The following EEIG2 variants were observed in gnomAD, a reference collection of about 807,000 sequenced individuals.
EEIG2 encodes family with sequence similarity 102 member B.
At chr1:108,581,537 A>T in the EEIG2 span, among the ~76,000 whole-genome samples, 1 of 150,100 alleles carries the variant, frequency 6.7e-6, no homozygotes. Flanking sequence ...TCAAAATACC[A>T]ACATTAACAG....
At chr1:108,620,573 T>C in the EEIG2 span, among the ~76,000 whole-genome samples, 1 of 152,216 alleles carries the variant, frequency 6.6e-6, no homozygotes, top group Non-Finnish European at 1.5e-5. Context: ...AGGGGTGATA[T>C]AAGTCTCTTG....
At chr1:108,594,211 A>C in the EEIG2 span, among the ~76,000 whole-genome samples, 3 of 152,194 alleles carry the variant, frequency 2.0e-5, no homozygotes, top group Non-Finnish European at 4.4e-5. Context: ...GGTGGACATC[A>C]ACATTTTAAG....
chr1:108,613,587 C>G, the EEIG2 span, among the ~76,000 whole-genome samples: 9 of 152,152 alleles, frequency 5.9e-5, no homozygotes, highest in Admixed American at 5.9e-4. Flanking sequence ...TCCACACCGT[C>G]TCTCCCACTT....
chr1:108,596,747 T>G, the EEIG2 span, among the ~76,000 whole-genome samples: 2 of 150,870 alleles, frequency 1.3e-5, no homozygotes, highest in African/African-American at 4.9e-5. Context: ...GTTTTTTTGT[T>G]TTTTTTTTTA....
chr1:108,563,044 G>T, the EEIG2 span, among the ~76,000 whole-genome samples: 5 of 152,286 alleles, frequency 3.3e-5, no homozygotes, highest in African/African-American at 1.2e-4. Context: ...GTAAAAATAT[G>T]AAATGAATTA....
chr1:108,563,973 A>G, the EEIG2 span, among the ~76,000 whole-genome samples: 21 of 152,336 alleles, frequency 1.4e-4, no homozygotes, highest in African/African-American at 4.8e-4. Flanking sequence ...TTGCATTGAC[A>G]AAGTGAGGAT....
chr1:108,630,300 T>C, the EEIG2 span, among the ~76,000 whole-genome samples: 2 of 152,202 alleles, frequency 1.3e-5, no homozygotes, highest in South Asian at 4.1e-4. Flanking sequence ...ATTAAAACCA[T>C]CATTCTCAGC....
At chr1:108,589,910 C>T in the EEIG2 span, among the ~76,000 whole-genome samples, 2 of 151,102 alleles carry the variant, frequency 1.3e-5, no homozygotes, top group African/African-American at 4.9e-5. Context: ...CCCACCTCAG[C>T]CTCCCAAGTA....
At chr1:108,605,706 C>T in the EEIG2 span, among the ~76,000 whole-genome samples, 1 of 152,084 alleles carries the variant, frequency 6.6e-6, no homozygotes. Context: ...AAGACATCAT[C>T]TATTATTTTT....
At chr1:108,565,329 A>G in the EEIG2 span, among the ~76,000 whole-genome samples, 1 of 152,158 alleles carries the variant, frequency 6.6e-6, no homozygotes, top group African/African-American at 2.4e-5. Context: ...ACGTGCTTAG[A>G]CTATGTCGTA....
At chr1:108,575,456 G>T in the EEIG2 span, among the ~76,000 whole-genome samples, 6 of 152,298 alleles carry the variant, frequency 3.9e-5, no homozygotes, top group Admixed American at 3.3e-4. Flanking sequence ...TAGGTGGAAT[G>T]AAATTCTGTA....
At chr1:108,560,959 C>T in the EEIG2 span, among the ~76,000 whole-genome samples, 1 of 152,224 alleles carries the variant, frequency 6.6e-6, no homozygotes, top group Non-Finnish European at 1.5e-5. Flanking sequence ...CTGTGCTTAG[C>T]ACAATTCCTT....
At chr1:108,582,309 G>A in the EEIG2 span, among the ~76,000 whole-genome samples, 1 of 152,040 alleles carries the variant, frequency 6.6e-6, no homozygotes. Flanking sequence ...TATCCCTGAG[G>A]TATGCCTGTA....
At chr1:108,566,558 G>T in the EEIG2 span, among the ~76,000 whole-genome samples, 732 of 152,254 alleles carry the variant, frequency 4.8e-3, 7 homozygotes, top group African/African-American at 0.016. Flanking sequence ...AAATCAGTAT[G>T]TTGAAGAGAA....
the EEIG2 span, among the ~76,000 whole-genome samples, chr1:108,569,786 CCTT>C: frequency 2.0e-5 from 3 of 152,154 alleles, no homozygotes; most frequent in South Asian, 6.2e-4. Flanking sequence ...GATATCCTCT[CCTT>C]CACCCTTCTT....
the EEIG2 span, chr1:108,626,386 G>C: frequency 6.6e-6 from 1 of 152,078 alleles, no homozygotes; most frequent in Non-Finnish European, 1.5e-5. Flanking sequence ...CAGAAGGCCC[G>C]GGACACAGTA....
At chr1:108,606,290 A>T in the EEIG2 span, 1 of 1,422,954 alleles carries the variant, frequency 7.0e-7, no homozygotes, top group Non-Finnish European at 9.6e-7. Context: ...GGAACATGTA[A>T]TGTTGCTTAT....
At chr1:108,632,875 A>C in the EEIG2 span, among the ~76,000 whole-genome samples, 1 of 151,652 alleles carries the variant, frequency 6.6e-6, no homozygotes, top group African/African-American at 2.4e-5. Context: ...ATCTCAGCTC[A>C]CTGCAGCCTT....
the EEIG2 span, chr1:108,606,345 T>C: frequency 2.4e-6 from 2 of 837,692 alleles, no homozygotes; most frequent in African/African-American, 3.5e-5. Flanking sequence ...TCTTCTAATA[T>C]CTGTTCAAGC....
Sources: gnomAD v4.1 joint callset for allele counts (sites outside exome capture counted in the v4.1 genomes callset) on GRCh38, gnomAD v4.1.1 for gene constraint, MANE v1.5 for transcripts, NCBI Gene and HGNC (gene_info 2026-07-23, HGNC 2026-07-21) for gene names.